The following DNAH5 variants were observed in gnomAD, a reference collection of about 807,000 sequenced individuals.
The protein encoded by DNAH5 is dynein axonemal heavy chain 5.
Under a neutral mutation model 518.2 loss-of-function variants are expected in DNAH5, and 372 were observed. The ratio of observed to expected loss-of-function variants is 0.72; its 90% CI spans 0.66 to 0.78. The LOEUF is 0.78. DNAH5 is among the 30% of genes least tolerant of loss of function. The pLI is 0.00. For missense variants in DNAH5, 5,523 were observed against 5,687.0 expected (o/e 0.97, Z 0.93); for synonymous variants, 2,039 against 2,025.9 (o/e 1.01, Z -0.17).
intron 30 of DNAH5, among the ~76,000 whole-genome samples, chr5:13,853,934 G>A (rs957809236): frequency 1.3e-5 from 2 of 152,146 alleles, no homozygotes; most frequent in African/African-American, 4.8e-5. Flanking sequence ...ATGGATCCAA[G>A]TTAGAAAACA....
chr5:13,914,424 C>T, intron 10 of DNAH5, 96 bp downstream of exon 10: 1 of 1,372,158 alleles, frequency 7.3e-7, no homozygotes, highest in Middle Eastern at 2.6e-4. Context: ...TTCTTTTTAT[C>T]AACCAATGAT....
rs756837998 is a variant in DNAH5, at chr5:13,917,151, T to G, written c.1081A>C (p.Ser361Arg). 10 of 1,612,566 alleles carry G rather than the reference T, an allele frequency of 6.2e-6. No homozygotes were observed. In the East Asian group the frequency reaches 2.2e-4, roughly 36 times the overall value. ...AGAAATCCTTAACTCACGGGATCAC[T>G]GCTGTACAAAGGGTCACAACATTTT... is the stretch of plus-strand genomic sequence containing the variant. ...LEKCCDPLYS[S>R]DPLSMMDAIP... Residue 361 changes from serine (S) to arginine (R), a missense_variant, in exon 8 of 79, where the codon AGT becomes CGT. Ser to Arg is a moderately radical substitution (Grantham distance 110, BLOSUM62 -1). Coordinates refer to ENST00000265104, the MANE Select transcript of DNAH5 (RefSeq NM_001369.3).
rs768853052 is a variant in DNAH5 at position 13,778,596 on chromosome 5, A to AAGAAAGAAAGAAAGAAAGAAAGAG, written c.8952-1242_8952-1241insCTCTTTCTTTCTTTCTTTCTTTCT. 1.3e-4 allele frequency among the ~76,000 whole-genome samples: 13 copies of AAGAAAGAAAGAAAGAAAGAAAGAG among 102,220 alleles called. 1 individual carries two copies. The highest frequency in any genetic ancestry group is 2.7e-4 in the East Asian group (1 of 3,642). The allele number at this position is 102,220 out of a possible 152,430, so 67.1% of individuals were successfully genotyped here. A position where few individuals can be genotyped will look rare whatever the true frequency, so the allele number is the denominator to read the frequency against. ...AAAGAAAGAAAGAAAGAAAGAAAGA[A>AAGAAAGAAAGAAAGAAAGAAAGAG]AGAGAGAGAGAAAGAAAAAGAAAGA... On this transcript the variant is annotated intron_variant, in intron 53 of 78. Transcript: ENST00000265104.
chr5:13,748,394 A>G (rs927300374), intron 65 of DNAH5, among the ~76,000 whole-genome samples: 2 of 152,134 alleles, frequency 1.3e-5, no homozygotes, highest in Admixed American at 6.5e-5. Flanking sequence ...ACTTTAAAGT[A>G]GTTTTTTCCA....
intron 1 of DNAH5, among the ~76,000 whole-genome samples, chr5:13,938,381 G>A (rs751216529): frequency 9.9e-5 from 15 of 152,068 alleles, no homozygotes; most frequent in Non-Finnish European, 2.2e-4. Flanking sequence ...GGTAGATACA[G>A]TACAATAAGA....
rs751527856 is a variant in DNAH5 at position 13,913,928 on chromosome 5, G to T, written c.1351C>A (p.Gln451Lys). Residue 451 changes from glutamine (Q) to lysine (K), a missense_variant, in exon 11 of 79, where the codon CAA (glutamine) becomes AAA (lysine). Coordinates refer to ENST00000265104, the MANE Select transcript of DNAH5 (RefSeq NM_001369.3). ...GCATTTGGATTTTGTTTAAGCTTTT[G>T]TTTTGTCTTGTGAAAGCAGAGCTGG... ...EYQLCFHKTK[Q>K]KLKQNPNAKQ... 9.3e-6 allele frequency: 15 copies of T among 1,613,188 alleles called. No homozygotes were observed. The East Asian group carries it at 3.3e-4, about 36-fold the overall frequency.
At position 13,932,468 on chromosome 5, in the gene DNAH5, G is replaced by A. The variant is rs201320990; in HGVS notation, c.58-1224C>T. The stretch of plus-strand genomic sequence containing the variant: ...CTTTCTGCATACACAAAGGCTGAGA[G>A]GCACACAAAAGCACATTCTGAAAAC... On this transcript the variant is annotated intron_variant, in intron 1 of 78. Coordinates refer to ENST00000265104, the MANE Select transcript of DNAH5 (RefSeq NM_001369.3). 2.0e-5 allele frequency: 3 copies of A among 152,196 alleles called. No homozygotes were observed. In the East Asian group the frequency reaches 5.8e-4, roughly 29 times the overall value. 9.4% of individuals were successfully genotyped at this position (152,196 alleles called of 1,614,324 possible). A position where few individuals can be genotyped will look rare whatever the true frequency, so the allele number is the denominator to read the frequency against.
Position 13,735,278 on chromosome 5 carries a change from T to A in DNAH5, c.11614A>T (p.Ile3872Phe), listed in dbSNP as rs572139897. The A allele has an allele frequency of 1.7e-5, 28 of 1,614,148 alleles. No homozygotes were observed. In the East Asian group the frequency reaches 2.2e-4, roughly 13 times the overall value. ...TAAACCTCGTAGGTCATGTGCTCGA[T>A]GATATTAGCAATCCTCTTGCTTGTA... is the stretch of plus-strand genomic sequence containing the variant. The part of the protein sequence containing the change: ...PITSKRIANI[I>F]EHMTYEVYKY... Residue 3872 changes from isoleucine (I) to phenylalanine (F), a missense_variant, in exon 68 of 79, where the codon ATC becomes TTC. Transcript: ENST00000265104.
chr5:13,769,207 G>A, intron 57 of DNAH5, 71 bp from the exon 58 acceptor site: 1 of 1,525,334 alleles, frequency 6.6e-7, no homozygotes, highest in Non-Finnish European at 9.0e-7. Flanking sequence ...GCACATTTTT[G>A]CCTTGATTTG....
chr5:13,906,829 C>A (rs912360714), intron 12 of DNAH5, among the ~76,000 whole-genome samples: 1 of 151,770 alleles, frequency 6.6e-6, no homozygotes, highest in Non-Finnish European at 1.5e-5. Flanking sequence ...CAATAGTGAC[C>A]CTTCGTGGAA....
At chr5:13,754,432 C>G in intron 61 of DNAH5, 94 bp from the exon 62 acceptor site, 1 of 1,390,096 alleles carries the variant, frequency 7.2e-7, no homozygotes, top group Non-Finnish European at 1.0e-6. Context: ...TATTATCTGC[C>G]TTCCTGAGAC....
chr5:13,963,017 G>A (rs1022890160), intron 1 of DNAH5, among the ~76,000 whole-genome samples: 1 of 151,980 alleles, frequency 6.6e-6, no homozygotes, highest in Non-Finnish European at 1.5e-5. Context: ...CTGCCCAAGT[G>A]CTCCGCCATT....
intron 1 of DNAH5, among the ~76,000 whole-genome samples, chr5:13,998,058 G>T (rs1476992672): frequency 6.6e-6 from 1 of 152,064 alleles, no homozygotes; most frequent in Non-Finnish European, 1.5e-5. Context: ...TGGCCAGGCT[G>T]GTCTTGAACT....
Position 13,817,711 on chromosome 5 carries a change from C to T in DNAH5, c.6842-17G>A. ...TTCCACAATCTATACCAAGTAAATCCAAATTTTAGACATCTCAGATGGGAA... is the reference window on the plus strand; with the variant it reads ...TTCCACAATCTATACCAAGTAAATCTAAATTTTAGACATCTCAGATGGGAA... On this transcript the variant is annotated splice_polypyrimidine_tract_variant and intron_variant, in intron 41 of 78. Transcript: ENST00000265104. 6.2e-7 allele frequency: 1 copy of T among 1,613,644 alleles called. No homozygotes were observed. Among genetic ancestry groups the T allele is most frequent in the Non-Finnish European group, 8.5e-7 (1 of 1,179,644 alleles).
At chr5:13,838,615 C>T (rs1764731348) in intron 35 of DNAH5, among the ~76,000 whole-genome samples, 1 of 152,184 alleles carries the variant, frequency 6.6e-6, no homozygotes, top group South Asian at 2.1e-4. Flanking sequence ...GAAAAACACA[C>T]TCGGGGCTCT....
intron 21 of DNAH5, 61 bp from the exon 22 acceptor site, chr5:13,876,878 G>C (rs568822858): frequency 1.8e-5 from 27 of 1,533,104 alleles, no homozygotes; most frequent in Non-Finnish European, 2.2e-5. Flanking sequence ...ACTTTCAGGA[G>C]ATGAGGATAT....
chr5:13,900,225 C>T lies in DNAH5; in HGVS notation c.2240G>A (p.Arg747Lys), dbSNP rs1561533362. ...SLFQKRDRYK[R>K]NFSNMKMMLA... ...GTATACCTTCATGTTACTGAAGTTC[C>T]TTTTGTATCTATCTCGTTTCTGGAA... Residue 747 changes from arginine to lysine, a missense_variant, in exon 15 of 79, where the codon AGG becomes AAG. By Grantham distance (26) the Arg-to-Lys change is conservative (BLOSUM62 2). This residue lies in a region of DNAH5 where 5,121 missense variants were observed against 5,223.3 expected (regional missense o/e 0.98). Transcript: ENST00000265104. The T allele has an allele frequency of 6.2e-7, 1 of 1,613,928 alleles. No homozygotes were observed. The highest frequency in any genetic ancestry group is 1.7e-5 in the Admixed American group (1 of 60,018).
At chr5:13,785,519 T>C (rs185542268) in intron 52 of DNAH5, among the ~76,000 whole-genome samples, 183 of 152,334 alleles carry the variant, frequency 1.2e-3, no homozygotes, top group African/African-American at 4.3e-3. Context: ...AAAATACACA[T>C]AATCTAAAAT....
chr5:13,811,537 G>T, intron 44 of DNAH5, 110 bp downstream of exon 44: 1 of 1,057,184 alleles, frequency 9.5e-7, no homozygotes, highest in Non-Finnish European at 1.4e-6. Flanking sequence ...TTCAAATATA[G>T]TACTCTCTGT....
Sources: allele counts gnomAD v4.1 joint callset (sites outside exome capture counted in the v4.1 genomes callset), GRCh38; gene constraint gnomAD v4.1.1; regional missense constraint gnomAD v4.1.1; transcripts MANE v1.5; gene names NCBI Gene and HGNC (gene_info 2026-07-23, HGNC 2026-07-21).